The following ZNF723 variants were observed in gnomAD, a reference collection of about 807,000 sequenced individuals.
ZNF723 encodes the protein zinc finger protein 723, also known as zinc finger protein 723, pseudogene.
A neutral mutation model predicts 9.4 loss-of-function variants in ZNF723; 5 were observed. The observed-to-expected ratio is 0.53, with a 90% CI of 0.28 to 1.12. The LOEUF is 1.12. ZNF723 is among the 50% of genes most tolerant of loss of function. The probability of loss-of-function intolerance (pLI) is 0.10; values close to 1 mark genes in which losing one functional copy is unlikely to be tolerated. For synonymous variants in ZNF723, 158 were observed against 168.8 expected, an observed-to-expected ratio of 0.94 and a Z score of 0.49; for missense variants, 450 against 501.5, an observed-to-expected ratio of 0.90 and a Z score of 0.98.
upstream of ZNF723, among the ~76,000 whole-genome samples, chr19:22,831,735 C>T (rs1030646942): frequency 6.6e-6 from 1 of 151,650 alleles, no homozygotes; most frequent in African/African-American, 2.4e-5. Context: ...GGGTGAAACC[C>T]CGTCTCTACT....
intron 1 of ZNF723, among the ~76,000 whole-genome samples, chr19:22,846,767 G>A (rs1259058025): frequency 6.9e-6 from 1 of 144,834 alleles, no homozygotes; most frequent in Non-Finnish European, 1.5e-5. Flanking sequence ...CTTGAATTTT[G>A]CATAAAACTG....
In ZNF723 at chr19:22,857,137, C is replaced by G. The variant is rs1016701428; in HGVS notation, c.246C>G (p.Ala82=). The change falls in exon 4 of 4, where the codon GCC becomes GCG. Residue 82 remains alanine, a synonymous_variant. Transcript: ENST00000600766. Reference sequence around the variant, plus strand: ...TTTCAGTTGTGTGTTCTCATTTTGCCCAAGACCTTTGGCCAGAGCAGGGCA... The same window carrying G: ...TTTCAGTTGTGTGTTCTCATTTTGCGCAAGACCTTTGGCCAGAGCAGGGCA... ...AKPPVVCSHF[A]QDLWPEQGIK... 1.5e-5 allele frequency: 15 copies of G among 981,476 alleles called. No individual in the cohort carries two copies. Among genetic ancestry groups the G allele is most frequent in the Non-Finnish European group, 2.1e-5 (14 of 664,038 alleles). The allele number at this position is 981,476 out of a possible 1,614,324, so 60.8% of individuals were successfully genotyped here.
chr19:22,848,376 T>TG lies in ZNF723; in HGVS notation c.121dup (p.Val41GlyfsTer9). The stretch of plus-strand genomic sequence containing the variant: ...GTGATGTTAGAGAACTACAGAAACC[T>TG]GGTCTTCCTGGGTGAGAATAACTTC... On this transcript the variant is annotated frameshift_variant, in exon 2 of 4. Transcript: ENST00000600766. LOFTEE classifies it high-confidence loss of function. 1 of 1,460,418 alleles carries TG rather than the reference T, an allele frequency of 6.8e-7. No individual in the cohort carries two copies. The highest frequency in any genetic ancestry group is 2.3e-5 in the East Asian group (1 of 43,426). The allele number at this position is 1,460,418 out of a possible 1,614,324, so 90.5% of individuals were successfully genotyped here.
At chr19:22,851,363 G>C (rs1967392526) in intron 3 of ZNF723, among the ~76,000 whole-genome samples, 1 of 151,926 alleles carries the variant, frequency 6.6e-6, no homozygotes, top group African/African-American at 2.4e-5. Flanking sequence ...GTAGAGACGG[G>C]GTTTCAGCAT....
chr19:22,849,288 C>A lies in ZNF723; in HGVS notation c.221C>A (p.Pro74His). 1 of 584,900 alleles carries A rather than the reference C, an allele frequency of 1.7e-6. No homozygotes were observed. Among genetic ancestry groups the A allele is most frequent in the Non-Finnish European group, 3.1e-6 (1 of 324,968 alleles). 36.2% of individuals were successfully genotyped at this position (584,900 alleles called of 1,614,324 possible). Residue 74 changes from proline (P) to histidine (H), a missense_variant, in exon 3 of 4, where the codon CCC becomes CAC. Pro to His is a moderately conservative substitution (Grantham distance 77). Around this residue, in one of 5 missense-constraint regions of ZNF723, gnomAD observed 143 missense variants for 101.3 expected, o/e 1.41. Coordinates refer to ENST00000600766, the MANE Select transcript of ZNF723 (RefSeq NM_001349726.2). ...NMKRHKMVAK[P>H]PVVCSHFAQD... Reference sequence around the variant, plus strand: ...AAGAGACACAAGATGGTAGCCAAGCCCCCAGGTAGGTGGAGAGTGAACACA... The same window carrying A: ...AAGAGACACAAGATGGTAGCCAAGCACCCAGGTAGGTGGAGAGTGAACACA...
chr19:22,831,787 A>C (rs570182321), upstream of ZNF723, among the ~76,000 whole-genome samples: 10 of 152,136 alleles, frequency 6.6e-5, no homozygotes, highest in African/African-American at 2.2e-4. Context: ...AGGCGCCTGT[A>C]ATCCCAGCTA....
At position 22,846,813 on chromosome 19, in the gene ZNF723, CTTTTTTT is replaced by C. The variant is rs760924027; in HGVS notation, c.4-1426_4-1420del. Among the ~76,000 whole-genome samples the C allele has an allele frequency of 2.7e-3, 189 of 69,106 alleles. 1 individual carries two copies. The highest frequency in any genetic ancestry group is 9.6e-3 in the African/African-American group (160 of 16,662). The allele number at this position is 69,106 out of a possible 152,430, so 45.3% of individuals were successfully genotyped here. ...ATGGTTGCATTCAGCCTATAATTTCCTTTTTTTTTTTTTTTTTTTTTTTTTTTTGAGA... is the reference window on the plus strand; with the variant it reads ...ATGGTTGCATTCAGCCTATAATTTCCTTTTTTTTTTTTTTTTTTTTTGAGA... On this transcript the variant is annotated intron_variant, in intron 1 of 3. Coordinates refer to ENST00000600766, the MANE Select transcript of ZNF723 (RefSeq NM_001349726.2).
At chr19:22,826,832 A>T in the ZNF723 span, among the ~76,000 whole-genome samples, 1 of 152,228 alleles carries the variant, frequency 6.6e-6, no homozygotes, top group African/African-American at 2.4e-5. Context: ...TTTTGCTGCC[A>T]ACTTATATAT....
chr19:22,817,114 A>G, the ZNF723 span, among the ~76,000 whole-genome samples: 2 of 152,250 alleles, frequency 1.3e-5, no homozygotes, highest in African/African-American at 4.8e-5. Context: ...GGCTGAATCC[A>G]ACAGCTAGGT....
chr19:22,816,374 C>T, the ZNF723 span, among the ~76,000 whole-genome samples: 1 of 152,144 alleles, frequency 6.6e-6, no homozygotes, highest in Non-Finnish European at 1.5e-5. Context: ...ACTCTCAGAC[C>T]AAGATCCAGC....
the ZNF723 span, among the ~76,000 whole-genome samples, chr19:22,813,226 G>A: frequency 2.0e-5 from 3 of 152,170 alleles, no homozygotes; most frequent in Non-Finnish European, 2.9e-5. Flanking sequence ...AATGGGACAT[G>A]TGTAAGATTG....
chr19:22,821,461 G>A, the ZNF723 span, among the ~76,000 whole-genome samples: 1 of 152,084 alleles, frequency 6.6e-6, no homozygotes, highest in Non-Finnish European at 1.5e-5. Context: ...ACATATTGCT[G>A]TGTCCTGCAT....
chr19:22,830,474 TC>T (rs1967082095), upstream of ZNF723, among the ~76,000 whole-genome samples: 1 of 152,136 alleles, frequency 6.6e-6, no homozygotes, highest in Non-Finnish European at 1.5e-5. Context: ...TTCTGCAATT[TC>T]TTGACAGGAC....
At chr19:22,816,511 G>A in the ZNF723 span, among the ~76,000 whole-genome samples, 1 of 152,186 alleles carries the variant, frequency 6.6e-6, no homozygotes, top group Non-Finnish European at 1.5e-5. Flanking sequence ...ACAGGAGGTG[G>A]CGCCTCTTAT....
At chr19:22,812,343 T>G in the ZNF723 span, among the ~76,000 whole-genome samples, 1 of 152,214 alleles carries the variant, frequency 6.6e-6, no homozygotes, top group Non-Finnish European at 1.5e-5. Context: ...CAGAGCCTAC[T>G]GGTAAGGTCT....
upstream of ZNF723, among the ~76,000 whole-genome samples, chr19:22,831,372 C>T (rs941443201): frequency 6.6e-6 from 1 of 150,472 alleles, no homozygotes; most frequent in Non-Finnish European, 1.5e-5. Context: ...GCGTGCCCAA[C>T]ATGGTGAAAC....
At chr19:22,855,568 C>T (rs1967465532) in intron 3 of ZNF723, among the ~76,000 whole-genome samples, 2 of 152,194 alleles carry the variant, frequency 1.3e-5, no homozygotes, top group South Asian at 4.1e-4. Context: ...ATGGAAGAAA[C>T]TGCTTTCAGT....
In ZNF723 at chr19:22,857,474, C is replaced by A; in HGVS notation, c.583C>A (p.His195Asn). ...ACACCTAACTAAACATGAAAGAAAT[C>A]ATACTAGAGTGAATTGTTACAAATG... Reference protein sequence around the residue: ...LSHLTKHERNHTRVNCYKCEE... With the variant: ...LSHLTKHERNNTRVNCYKCEE... The change falls in exon 4 of 4, where the codon CAT becomes AAT. Residue 195 changes from histidine to asparagine, a missense_variant. His to Asn is a moderately conservative substitution (Grantham distance 68, BLOSUM62 1). Around this residue, in one of 5 missense-constraint regions of ZNF723, gnomAD observed 143 missense variants for 101.3 expected, o/e 1.41. Coordinates refer to ENST00000600766, the MANE Select transcript of ZNF723 (RefSeq NM_001349726.2). The A allele has an allele frequency of 9.2e-7, 1 of 1,091,500 alleles. No individual in the cohort carries two copies. Among genetic ancestry groups the A allele is most frequent in the Non-Finnish European group, 1.4e-6 (1 of 710,218 alleles). The allele number at this position is 1,091,500 out of a possible 1,614,324, so 67.6% of individuals were successfully genotyped here. A position where few individuals can be genotyped will look rare whatever the true frequency, so the allele number is the denominator to read the frequency against.
upstream of ZNF723, among the ~76,000 whole-genome samples, chr19:22,831,634 G>C (rs1161290306): frequency 6.6e-6 from 1 of 151,850 alleles, no homozygotes; most frequent in African/African-American, 2.4e-5. Context: ...ATCTTGGCCG[G>C]GCGCGATGGC....
Sources: gnomAD v4.1 joint callset for allele counts (sites outside exome capture counted in the v4.1 genomes callset) on GRCh38, gnomAD v4.1.1 for gene constraint, gnomAD v4.1.1 regional missense constraint, MANE v1.5 for transcripts, NCBI Gene and HGNC (gene_info 2026-07-23, HGNC 2026-07-21) for gene names.